The following AMY2B variants were observed in gnomAD, a reference collection of about 807,000 sequenced individuals.
AMY2B encodes alpha-amylase 2B.
Under a neutral mutation model 59.3 loss-of-function variants are expected in AMY2B, and 63 were observed. The observed-to-expected ratio is 1.06, with a 90% CI of 0.87 to 1.31. The LOEUF is 1.31. Ranked by LOEUF, AMY2B falls within the 50% of genes most tolerant of loss-of-function variation. The pLI, the probability that AMY2B is intolerant of heterozygous loss-of-function variation, is 0.00. For synonymous variants in AMY2B, 180 were observed against 198.1 expected (o/e 0.91, Z 0.77); for missense variants, 635 against 626.7 (o/e 1.01, Z -0.14).
chr1:103,571,406 A>G (rs1652125398), upstream of AMY2B: 2 of 1,249,488 alleles, frequency 1.6e-6, no homozygotes, highest in Non-Finnish European at 1.1e-6. Context: ...AATTTCTAAA[A>G]GGTCATTTAG....
intron 1 of AMY2B, among the ~76,000 whole-genome samples, chr1:103,561,329 G>T (rs12062800): frequency 6.6e-6 from 1 of 151,938 alleles, no homozygotes; most frequent in African/African-American, 2.4e-5. Flanking sequence ...GTGCAGTGGC[G>T]CAGTCTCGGC....
chr1:103,569,328 GTA>G (rs374957903), upstream of AMY2B: 38 of 145,364 alleles, frequency 2.6e-4, no homozygotes, highest in Middle Eastern at 3.3e-3. Flanking sequence ...GTGTGTTTGT[GTA>G]TATATATATA....
At chr1:103,578,296 T>G (rs774549811) in intron 9 of AMY2B, among the ~76,000 whole-genome samples, 8 of 152,208 alleles carry the variant, frequency 5.3e-5, no homozygotes, top group South Asian at 2.1e-4. Flanking sequence ...TGGTATACTT[T>G]CTTCACTTCT....
chr1:103,562,981 C>G (rs537003551), intron 1 of AMY2B, among the ~76,000 whole-genome samples: 42 of 151,848 alleles, frequency 2.8e-4, no homozygotes, highest in Admixed American at 6.6e-5. Flanking sequence ...GAGCCGTTTC[C>G]CTATAATGCC....
rs1412402042 is a variant in AMY2B at position 103,573,743 on chromosome 1, T to G, written c.549T>G (p.Leu183=). ...GTCGTCTGGTTGGTCTTCTTGATCT[T>G]GCACTGGAGAAAGATTATGTGCGTT... ...RDCRLVGLLD[L]ALEKDYVRSK... is the part of the protein sequence containing the mutation. Residue 183 remains leucine, a synonymous_variant, in exon 4 of 10, where the codon CTT becomes CTG. Transcript: ENST00000684275. The G allele has an allele frequency of 7.4e-6, 12 of 1,613,836 alleles. No homozygotes were observed. The highest frequency in any genetic ancestry group is 1.0e-5 in the Non-Finnish European group (12 of 1,179,742).
At chr1:103,573,648 T>C in intron 3 of AMY2B, 60 bp from the exon 4 acceptor site, 1 of 1,602,830 alleles carries the variant, frequency 6.2e-7, no homozygotes, top group Non-Finnish European at 8.5e-7. Context: ...AATAATCAAA[T>C]GGATTCTCAT....
intron 9 of AMY2B, 144 bp downstream of exon 9, chr1:103,577,989 A>T: frequency 6.6e-7 from 1 of 1,503,804 alleles, no homozygotes; most frequent in East Asian, 2.3e-5. Flanking sequence ...AATTGGGCAG[A>T]AGTAAAAAGA....
At chr1:103,571,176 C>T (rs1276265316), upstream of AMY2B, 5 of 819,054 alleles carry the variant, frequency 6.1e-6, no homozygotes, top group African/African-American at 1.9e-5. Flanking sequence ...GCCAGAACAC[C>T]ATGGGCTGTT....
chr1:103,556,342 A>G (rs1307797475), intron 1 of AMY2B, among the ~76,000 whole-genome samples: 6 of 152,142 alleles, frequency 3.9e-5, no homozygotes, highest in Non-Finnish European at 7.4e-5. Flanking sequence ...AGATGTTGTT[A>G]CATTTAAGAG....
chr1:103,569,817 C>T (rs2101069738), upstream of AMY2B: 1 of 454,506 alleles, frequency 2.2e-6, no homozygotes, highest in South Asian at 1.8e-5. Context: ...TGGCATCACA[C>T]CTTCTACAAG....
chr1:103,560,419 T>C (rs1204073168), intron 1 of AMY2B, among the ~76,000 whole-genome samples: 1 of 152,188 alleles, frequency 6.6e-6, no homozygotes, highest in African/African-American at 2.4e-5. Flanking sequence ...GGTTAGAATT[T>C]ACATCATTTA....
At chr1:103,568,123 A>G (rs1651972363), upstream of AMY2B, among the ~76,000 whole-genome samples, 1 of 152,160 alleles carries the variant, frequency 6.6e-6, no homozygotes, top group South Asian at 2.1e-4. Context: ...TTACTAATAT[A>G]TTTTCTTTTC....
At chr1:103,571,328 C>A, upstream of AMY2B, 1 of 908,170 alleles carries the variant, frequency 1.1e-6, no homozygotes, top group Non-Finnish European at 1.6e-6. Flanking sequence ...TACGTGAGAA[C>A]ATTAGGCCCC....
upstream of AMY2B, chr1:103,569,629 A>G (rs1310649537): frequency 2.8e-5 from 11 of 396,076 alleles, no homozygotes; most frequent in Non-Finnish European, 5.6e-5. Flanking sequence ...GGGGACGACA[A>G]CCCCCAGCCA....
chr1:103,560,900 CT>C (rs1335913494), intron 1 of AMY2B, among the ~76,000 whole-genome samples: 2 of 152,090 alleles, frequency 1.3e-5, no homozygotes, highest in Non-Finnish European at 2.9e-5. Context: ...TAAGAGCTCA[CT>C]GTGGAGTTAG....
rs186143742 is a variant in AMY2B, at chr1:103,575,140, A to T, written c.879-83A>T. ...GAATTTAATCTTCAGATGCCATGCC[A>T]TGCAGAAAGAGATGCACAGTTAAGT... On this transcript the variant is annotated intron_variant, in intron 5 of 9. Transcript: ENST00000684275. 8.7e-4 allele frequency: 1,386 copies of T among 1,594,250 alleles called. 16 individuals carry two copies. In the East Asian group the frequency reaches 0.029, roughly 33 times the overall value.
chr1:103,572,149 T>C lies in AMY2B; in HGVS notation c.208T>C (p.Phe70Leu). The change falls in exon 2 of 10, where the codon TTC (phenylalanine) becomes CTC (leucine). Residue 70 changes from phenylalanine to leucine, a missense_variant. By Grantham distance (22) the Phe-to-Leu change is conservative. Coordinates refer to ENST00000684275, the MANE Select transcript of AMY2B (RefSeq NM_001387437.1). ...TGAAAATGTTGCAATTCACAACCCTTTCAGACCTTGGTGGGAAAGATACCA... is the reference window on the plus strand; with the variant it reads ...TGAAAATGTTGCAATTCACAACCCTCTCAGACCTTGGTGGGAAAGATACCA... ...PNENVAIHNP[F>L]RPWWERYQPV... 6.2e-7 allele frequency: 1 copy of C among 1,611,716 alleles called. No homozygotes were observed. Among genetic ancestry groups the C allele is most frequent in the Non-Finnish European group, 8.5e-7 (1 of 1,179,712 alleles).
In AMY2B at chr1:103,573,994, G is replaced by A. The variant is rs138744352; in HGVS notation, c.744+56G>A. On this transcript the variant is annotated intron_variant, in intron 4 of 9. Transcript: ENST00000684275. The stretch of plus-strand genomic sequence containing the variant: ...TCATCTTATTCATTAGAAAATAATG[G>A]CAGATTTAATTAAAAATGCAATTTC... 1.4e-4 allele frequency: 228 copies of A among 1,612,162 alleles called. 1 individual carries two copies. The African/African-American group carries it at 2.6e-3, about 18-fold the overall frequency.
chr1:103,569,440 C>A (rs1652031332), upstream of AMY2B: 2 of 208,752 alleles, frequency 9.6e-6, no homozygotes, highest in Non-Finnish European at 1.9e-5. Context: ...GTGTACACTG[C>A]CAGAGGTTTA....
Sources: allele counts gnomAD v4.1 joint callset (sites outside exome capture counted in the v4.1 genomes callset), GRCh38; gene constraint gnomAD v4.1.1; transcripts MANE v1.5; gene names NCBI Gene and HGNC (gene_info 2026-07-23, HGNC 2026-07-21).